DPYD: variants seen among roughly 807,000 people sequenced by gnomAD.
The protein encoded by DPYD is dihydropyrimidine dehydrogenase.
Under a neutral mutation model 116.2 loss-of-function variants are expected in DPYD, and 109 were observed. The observed-to-expected ratio is 0.94, with a 90% CI of 0.80 to 1.10. The LOEUF (loss-of-function observed/expected upper bound fraction) is 1.10. Ranked by LOEUF, DPYD falls within the 50% of genes least tolerant of loss-of-function variation. The probability of loss-of-function intolerance (pLI) is 0.00; values close to 1 mark genes in which losing one functional copy is unlikely to be tolerated. For synonymous variants in DPYD, 440 were observed against 432.0 expected (o/e 1.02, Z -0.23); for missense variants, 1,302 against 1,254.5 (o/e 1.04, Z -0.57).
chr1:97,092,860 T>C (rs978465444), intron 21 of DPYD, among the ~76,000 whole-genome samples: 4 of 152,152 alleles, frequency 2.6e-5, no homozygotes, highest in African/African-American at 7.2e-5. Context: ...AGCTCTTTAC[T>C]ATACCTATGC....
intron 4 of DPYD, among the ~76,000 whole-genome samples, chr1:97,724,089 T>C (rs547837316): frequency 6.6e-5 from 10 of 151,508 alleles, no homozygotes; most frequent in Admixed American, 5.9e-4. Flanking sequence ...AAATTCAACA[T>C]CCCTCATGAC....
At chr1:97,545,547 C>T (rs1650774552) in intron 12 of DPYD, among the ~76,000 whole-genome samples, 1 of 152,072 alleles carries the variant, frequency 6.6e-6, no homozygotes, top group South Asian at 2.1e-4. Context: ...AAGACATTTA[C>T]ATGAAGATGT....
chr1:97,640,605 G>A (rs943574879), intron 8 of DPYD, among the ~76,000 whole-genome samples: 26 of 152,182 alleles, frequency 1.7e-4, no homozygotes, highest in African/African-American at 5.5e-4. Flanking sequence ...CACTGTGCCC[G>A]GCAATTTATT....
At chr1:97,104,184 T>G (rs1650959025) in intron 20 of DPYD, among the ~76,000 whole-genome samples, 1 of 152,060 alleles carries the variant, frequency 6.6e-6, no homozygotes, top group Non-Finnish European at 1.5e-5. Context: ...ACATAATAGG[T>G]GCTGAATATA....
chr1:97,521,833 T>G (rs1648691799), intron 12 of DPYD, among the ~76,000 whole-genome samples: 1 of 152,164 alleles, frequency 6.6e-6, no homozygotes, highest in Non-Finnish European at 1.5e-5. Context: ...TAATAAATGG[T>G]GTTGGTAAAA....
At chr1:97,268,482 C>G (rs947714284) in intron 18 of DPYD, among the ~76,000 whole-genome samples, 3 of 152,134 alleles carry the variant, frequency 2.0e-5, no homozygotes, top group African/African-American at 7.2e-5. Context: ...CCCAGGCTAA[C>G]CGAGAGATCC....
intron 14 of DPYD, among the ~76,000 whole-genome samples, chr1:97,432,240 A>G (rs1675220116): frequency 1.3e-5 from 2 of 152,060 alleles, no homozygotes; most frequent in Admixed American, 1.3e-4. Context: ...CTGCTGGGTC[A>G]TACGGTAGTT....
chr1:97,192,233 G>A (rs950924674), intron 20 of DPYD, among the ~76,000 whole-genome samples: 1 of 151,970 alleles, frequency 6.6e-6, no homozygotes, highest in African/African-American at 2.4e-5. Context: ...AGTCATCCAA[G>A]GCAGAGTACC....
chr1:97,742,174 C>T (rs1557925435), intron 3 of DPYD, among the ~76,000 whole-genome samples: 1 of 151,970 alleles, frequency 6.6e-6, no homozygotes, highest in Non-Finnish European at 1.5e-5. Context: ...AGCATGAATC[C>T]TACATTGCTC....
At chr1:97,913,524 C>T (rs1426627936) in intron 1 of DPYD, among the ~76,000 whole-genome samples, 1 of 152,076 alleles carries the variant, frequency 6.6e-6, no homozygotes, top group African/African-American at 2.4e-5. Context: ...AAAATTATCC[C>T]CAGGCTTATC....
At chr1:97,706,813 T>C (rs1488474436) in intron 5 of DPYD, among the ~76,000 whole-genome samples, 1 of 152,086 alleles carries the variant, frequency 6.6e-6, no homozygotes, top group African/African-American at 2.4e-5. Context: ...AAAGCTGCTA[T>C]AAATATCCAT....
intron 8 of DPYD, among the ~76,000 whole-genome samples, chr1:97,601,718 G>A (rs963047346): frequency 6.6e-6 from 1 of 151,924 alleles, no homozygotes; most frequent in African/African-American, 2.4e-5. Flanking sequence ...TGATGAGAAA[G>A]AGAATAGATC....
At chr1:97,676,610 A>G (rs756764063) in intron 8 of DPYD, among the ~76,000 whole-genome samples, 7 of 152,204 alleles carry the variant, frequency 4.6e-5, no homozygotes, top group Non-Finnish European at 8.8e-5. Context: ...AATCAGTGAG[A>G]AAGGGTAGAT....
chr1:97,753,019 A>G (rs1665017640), intron 3 of DPYD, among the ~76,000 whole-genome samples: 1 of 152,058 alleles, frequency 6.6e-6, no homozygotes, highest in South Asian at 2.1e-4. Context: ...TTATGTAAAT[A>G]ACAAATCTTT....
intron 20 of DPYD, among the ~76,000 whole-genome samples, chr1:97,134,015 ATATATATATATATATATATATAT>A (rs1355027118): frequency 0.018 from 336 of 18,992 alleles, 41 homozygotes; most frequent in African/African-American, 0.037. Context: ...AAAAAAAAAA[ATATATATATATATATATATATAT>A]ATATATATAT....
intron 20 of DPYD, among the ~76,000 whole-genome samples, chr1:97,106,957 TAA>T (rs1477378654): frequency 2.0e-5 from 3 of 152,118 alleles, no homozygotes; most frequent in African/African-American, 7.2e-5. Context: ...TATGGATATA[TAA>T]GAGGGAATCT....
At chr1:97,475,702 T>C (rs983762025) in intron 13 of DPYD, among the ~76,000 whole-genome samples, 1 of 152,222 alleles carries the variant, frequency 6.6e-6, no homozygotes, top group Non-Finnish European at 1.5e-5. Flanking sequence ...GGTATGGCTA[T>C]GTTCCAGTAA....
At chr1:97,195,936 G>T (rs998109818) in intron 19 of DPYD, among the ~76,000 whole-genome samples, 44 of 151,626 alleles carry the variant, frequency 2.9e-4, no homozygotes, top group African/African-American at 1.0e-3. Context: ...TGCCTTTATA[G>T]GAGAGATCTG....
intron 13 of DPYD, among the ~76,000 whole-genome samples, chr1:97,480,609 CA>C (rs1678242308): frequency 2.6e-5 from 4 of 152,160 alleles, no homozygotes; most frequent in African/African-American, 7.2e-5. Context: ...TGAATTTCAT[CA>C]AAATATTTTT....
Sources: gnomAD v4.1 joint callset for allele counts (sites outside exome capture counted in the v4.1 genomes callset) on GRCh38, gnomAD v4.1.1 for gene constraint, MANE v1.5 for transcripts, NCBI Gene and HGNC (gene_info 2026-07-23, HGNC 2026-07-21) for gene names.